The following EPB41L5 variants were observed in gnomAD, a reference collection of about 807,000 sequenced individuals.
EPB41L5 encodes band 4.1-like protein 5.
A neutral mutation model predicts 106.6 loss-of-function variants in EPB41L5; 55 were observed. The observed-to-expected ratio is 0.52, with a 90% CI of 0.42 to 0.65. The LOEUF (loss-of-function observed/expected upper bound fraction) is 0.65. Ranked by LOEUF, EPB41L5 falls within the 30% of genes least tolerant of loss-of-function variation. EPB41L5 has a pLI of 0.00. For missense variants in EPB41L5, 871 were observed against 882.1 expected (o/e 0.99, Z 0.16); for synonymous variants, 297 against 306.7 (o/e 0.97, Z 0.33).
intron 16 of EPB41L5, among the ~76,000 whole-genome samples, chr2:120,103,333 A>G (rs1010235338): frequency 4.6e-5 from 7 of 152,300 alleles, no homozygotes; most frequent in African/African-American, 9.6e-5. Context: ...TTAGAATTCT[A>G]TAGGCCTTTT....
At chr2:120,025,435 A>C (rs913579007) in intron 2 of EPB41L5, among the ~76,000 whole-genome samples, 1 of 151,660 alleles carries the variant, frequency 6.6e-6, no homozygotes, top group Admixed American at 6.6e-5. Flanking sequence ...TTTTGAGCCT[A>C]TGTGTGTCTT....
intron 22 of EPB41L5, among the ~76,000 whole-genome samples, chr2:120,165,705 C>T (rs557442929): frequency 5.3e-5 from 8 of 152,218 alleles, no homozygotes; most frequent in Admixed American, 3.9e-4. Flanking sequence ...CGGTGGCTCA[C>T]GCCTGTAATC....
At chr2:120,116,238 C>G (rs1366835529) in intron 16 of EPB41L5, among the ~76,000 whole-genome samples, 1 of 152,156 alleles carries the variant, frequency 6.6e-6, no homozygotes, top group African/African-American at 2.4e-5. Context: ...TGCTGTTTTT[C>G]TCTTACAGAA....
chr2:120,117,608 A>G (rs916707648), intron 16 of EPB41L5, among the ~76,000 whole-genome samples: 2 of 152,208 alleles, frequency 1.3e-5, no homozygotes, highest in African/African-American at 4.8e-5. Flanking sequence ...TCTGAAAAAC[A>G]ATATATGGTA....
chr2:120,063,824 C>T (rs1681254793), intron 3 of EPB41L5, among the ~76,000 whole-genome samples: 1 of 152,064 alleles, frequency 6.6e-6, no homozygotes, highest in African/African-American at 2.4e-5. Context: ...CGCCTGTAAT[C>T]CCAGCTACTC....
At chr2:120,128,951 A>G (rs991592269) in intron 17 of EPB41L5, among the ~76,000 whole-genome samples, 6 of 152,142 alleles carry the variant, frequency 3.9e-5, no homozygotes, top group African/African-American at 7.2e-5. Context: ...CTTGTTAGCA[A>G]TGCTTGCTCT....
Position 120,174,913 on chromosome 2 carries a change from T to C in EPB41L5, c.*6T>C. Reference sequence around the variant, plus strand: ...TACTGACCACTGAGCTCTGAGGGCCTGTAGCTGGAATACGCATCTCTCCAG... The same window carrying C: ...TACTGACCACTGAGCTCTGAGGGCCCGTAGCTGGAATACGCATCTCTCCAG... On this transcript the variant is annotated 3_prime_UTR_variant, in exon 25 of 25. Transcript: ENST00000263713. 6.2e-7 allele frequency: 1 copy of C among 1,613,652 alleles called. No individual in the cohort carries two copies. The highest frequency in any genetic ancestry group is 8.5e-7 in the Non-Finnish European group (1 of 1,179,516).
At chr2:120,109,923 T>G (rs986504252) in intron 16 of EPB41L5, among the ~76,000 whole-genome samples, 6 of 152,160 alleles carry the variant, frequency 3.9e-5, no homozygotes, top group African/African-American at 1.4e-4. Flanking sequence ...AGTGCCACAT[T>G]TAGGAGAATG....
chr2:120,024,739 G>A (rs1022377683), intron 2 of EPB41L5, among the ~76,000 whole-genome samples: 60 of 152,100 alleles, frequency 3.9e-4, no homozygotes, highest in African/African-American at 1.4e-3. Flanking sequence ...AATTACAGGC[G>A]TGAGCCACCA....
intron 3 of EPB41L5, among the ~76,000 whole-genome samples, chr2:120,063,301 C>T (rs1270913784): frequency 6.7e-6 from 1 of 148,188 alleles, no homozygotes; most frequent in East Asian, 2.0e-4. Context: ...GAGATCGCAC[C>T]ACTGCGCTCT....
At chr2:120,073,061 G>C in intron 3 of EPB41L5, 117 bp from the exon 4 acceptor site, 1 of 829,930 alleles carries the variant, frequency 1.2e-6, no homozygotes, top group Admixed American at 3.2e-5. Flanking sequence ...TTTTTCTCTT[G>C]TGAAGTATTT....
At chr2:120,141,337 G>A (rs1403731186) in intron 18 of EPB41L5, among the ~76,000 whole-genome samples, 2 of 151,988 alleles carry the variant, frequency 1.3e-5, no homozygotes, top group Non-Finnish European at 2.9e-5. Context: ...GGTCTATTAT[G>A]CTAATTGAAT....
chr2:120,094,323 G>C (rs564453667), intron 14 of EPB41L5, among the ~76,000 whole-genome samples: 13 of 152,112 alleles, frequency 8.5e-5, no homozygotes, highest in African/African-American at 2.7e-4. Flanking sequence ...TTCAGTTTGG[G>C]AGTTTGTATC....
chr2:120,100,449 T>G, intron 15 of EPB41L5, among the ~76,000 whole-genome samples, 163 bp downstream of exon 15: 1 of 152,196 alleles, frequency 6.6e-6, no homozygotes, highest in East Asian at 1.9e-4. Context: ...TCCGGTTATT[T>G]TATTCTCTAA....
chr2:120,041,877 AT>A, intron 2 of EPB41L5, 128 bp from the exon 3 acceptor site: 1 of 556,584 alleles, frequency 1.8e-6, no homozygotes, highest in Non-Finnish European at 3.1e-6. Flanking sequence ...TATCTGCCAC[AT>A]GCTAATACTT....
chr2:120,103,977 T>A, intron 16 of EPB41L5: 1 of 1,412,634 alleles, frequency 7.1e-7, no homozygotes, highest in Non-Finnish European at 9.2e-7. Flanking sequence ...ACATTACCTT[T>A]CCCCTTTATT....
intron 18 of EPB41L5, among the ~76,000 whole-genome samples, chr2:120,141,040 C>G (rs569943017): frequency 5.3e-5 from 8 of 152,226 alleles, no homozygotes; most frequent in Non-Finnish European, 7.4e-5. Context: ...CAGACTAGCA[C>G]TACTGACAGC....
chr2:120,122,240 A>C (rs1685249205), intron 16 of EPB41L5, among the ~76,000 whole-genome samples: 1 of 152,070 alleles, frequency 6.6e-6, no homozygotes, highest in Non-Finnish European at 1.5e-5. Flanking sequence ...TTAGTCATGG[A>C]TTCCTTGCCC....
At chr2:120,123,044 G>C (rs1176758612) in intron 16 of EPB41L5, among the ~76,000 whole-genome samples, 1 of 152,270 alleles carries the variant, frequency 6.6e-6, no homozygotes, top group East Asian at 1.9e-4. Flanking sequence ...TTGCTTATCA[G>C]CTTAGGTGAT....
Sources: gnomAD v4.1 joint callset for allele counts (sites outside exome capture counted in the v4.1 genomes callset) on GRCh38, gnomAD v4.1.1 for gene constraint, MANE v1.5 for transcripts, NCBI Gene and HGNC (gene_info 2026-07-23, HGNC 2026-07-21) for gene names.